Variants in PPARGC1A observed in about 807,000 individuals in gnomAD.
PPARGC1A encodes the protein PPARG coactivator 1 alpha, also known as peroxisome proliferator-activated receptor gamma coactivator 1-alpha.
PPARGC1A carries 25 observed loss-of-function variants against 88.7 expected under a neutral mutation model. That is an observed-to-expected ratio of 0.28 (90% CI 0.21 to 0.39). PPARGC1A has a LOEUF of 0.39. Ranked by LOEUF, PPARGC1A falls within the 10% of genes least tolerant of loss-of-function variation. The pLI is 1.00. For synonymous variants in PPARGC1A, 363 were observed against 355.6 expected (o/e 1.02, Z -0.24); for missense variants, 880 against 968.7 (o/e 0.91, Z 1.22).
chr4:24,124,279 T>G, the PPARGC1A span, among the ~76,000 whole-genome samples: 2 of 152,156 alleles, frequency 1.3e-5, no homozygotes, highest in Admixed American at 6.5e-5. Flanking sequence ...AGAAGTAAAG[T>G]AAATTAATAG....
At chr4:23,920,455 C>A in the PPARGC1A span, among the ~76,000 whole-genome samples, 1 of 152,170 alleles carries the variant, frequency 6.6e-6, no homozygotes, top group Admixed American at 6.5e-5. Flanking sequence ...TCATCCATTA[C>A]CACTGAACTA....
the PPARGC1A span, among the ~76,000 whole-genome samples, chr4:24,111,835 C>T: frequency 2.0e-4 from 30 of 152,140 alleles, no homozygotes; most frequent in African/African-American, 7.0e-4. Context: ...CACATGCGCA[C>T]GTGCACACAT....
the PPARGC1A span, among the ~76,000 whole-genome samples, chr4:24,279,840 T>C: frequency 6.6e-6 from 1 of 152,150 alleles, no homozygotes; most frequent in South Asian, 2.1e-4. Flanking sequence ...ATGTGCAATT[T>C]GGGGCAGATA....
intron 10 of PPARGC1A, among the ~76,000 whole-genome samples, chr4:23,802,751 C>T (rs1719048056): frequency 6.6e-6 from 1 of 151,442 alleles, no homozygotes; most frequent in African/African-American, 2.4e-5. Flanking sequence ...ATAAGAAACC[C>T]CACTGAGCAT....
chr4:23,865,628 T>C (rs1711763539), intron 2 of PPARGC1A, among the ~76,000 whole-genome samples: 1 of 152,158 alleles, frequency 6.6e-6, no homozygotes, highest in African/African-American at 2.4e-5. Flanking sequence ...ACAAGTCTCC[T>C]TGAGGACTGA....
chr4:24,101,112 A>G, the PPARGC1A span, among the ~76,000 whole-genome samples: 1 of 152,208 alleles, frequency 6.6e-6, no homozygotes, highest in Non-Finnish European at 1.5e-5. Context: ...CCACTGTTGG[A>G]GGTGGGGCCT....
At chr4:23,927,072 C>T in the PPARGC1A span, among the ~76,000 whole-genome samples, 1 of 152,212 alleles carries the variant, frequency 6.6e-6, no homozygotes, top group Non-Finnish European at 1.5e-5. Context: ...TTTAATACAT[C>T]TAACCTACAA....
the PPARGC1A span, among the ~76,000 whole-genome samples, chr4:24,313,666 G>C: frequency 7.9e-5 from 12 of 152,186 alleles, no homozygotes; most frequent in African/African-American, 2.9e-4. Flanking sequence ...GAGAATGTAT[G>C]CAATTGGAAA....
chr4:24,223,345 G>A, the PPARGC1A span, among the ~76,000 whole-genome samples: 1 of 148,862 alleles, frequency 6.7e-6, no homozygotes, highest in Non-Finnish European at 1.5e-5. Flanking sequence ...TGCCTCCCAC[G>A]TTCAAGCGAT....
chr4:24,049,194 A>C, the PPARGC1A span, among the ~76,000 whole-genome samples: 39 of 145,364 alleles, frequency 2.7e-4, no homozygotes, highest in Middle Eastern at 3.6e-3. Flanking sequence ...GTCTCTCTCT[A>C]TATATACACA....
At chr4:24,035,429 T>C in the PPARGC1A span, among the ~76,000 whole-genome samples, 1 of 152,024 alleles carries the variant, frequency 6.6e-6, no homozygotes, top group South Asian at 2.1e-4. Flanking sequence ...TAGTCCCAGC[T>C]ACTCAGGAGG....
chr4:23,873,227 A>G lies in PPARGC1A; in HGVS notation c.234+11525T>C, dbSNP rs1276154356. ...ATAAAAAATAAAAAATAAAAAATAA[A>G]GAAAAAAATGTGACCAGCCATATCC... On this transcript the variant is annotated intron_variant, in intron 2 of 12. Transcript: ENST00000264867. Among the ~76,000 whole-genome samples, 55 of 148,180 alleles carry G rather than the reference A, an allele frequency of 3.7e-4. 2 individuals are homozygous for G. The highest frequency in any genetic ancestry group is 1.4e-3 in the African/African-American group (55 of 40,592).
the PPARGC1A span, among the ~76,000 whole-genome samples, chr4:24,408,690 C>A: frequency 6.6e-6 from 1 of 152,300 alleles, no homozygotes; most frequent in Non-Finnish European, 1.5e-5. Flanking sequence ...GACACCTCCA[C>A]CTGAGTCCCC....
At chr4:24,137,511 C>T in the PPARGC1A span, among the ~76,000 whole-genome samples, 1 of 152,188 alleles carries the variant, frequency 6.6e-6, no homozygotes, top group Non-Finnish European at 1.5e-5. Flanking sequence ...CTCTCCCCAA[C>T]CCCATTTTAC....
chr4:24,450,608 C>T, the PPARGC1A span, among the ~76,000 whole-genome samples: 1 of 152,084 alleles, frequency 6.6e-6, no homozygotes, highest in African/African-American at 2.4e-5. Flanking sequence ...GTGGGGGGAT[C>T]TAAAGTCTAT....
intron 2 of PPARGC1A, among the ~76,000 whole-genome samples, chr4:23,863,324 T>A (rs59423368): frequency 0.014 from 2,108 of 152,252 alleles, 46 homozygotes; most frequent in African/African-American, 0.047. Context: ...GTCCCTGGTG[T>A]CTAACAAACC....
At chr4:23,998,029 A>C in the PPARGC1A span, among the ~76,000 whole-genome samples, 2 of 152,218 alleles carry the variant, frequency 1.3e-5, no homozygotes, top group African/African-American at 4.8e-5. Flanking sequence ...ACATCAGTAC[A>C]TATGAATCAA....
the PPARGC1A span, among the ~76,000 whole-genome samples, chr4:24,425,292 A>G: frequency 1.3e-5 from 2 of 152,220 alleles, no homozygotes; most frequent in Non-Finnish European, 2.9e-5. Flanking sequence ...ACATTATAAC[A>G]TAATAGCCAA....
At chr4:24,181,170 G>C in the PPARGC1A span, among the ~76,000 whole-genome samples, 13 of 152,156 alleles carry the variant, frequency 8.5e-5, no homozygotes, top group African/African-American at 2.9e-4. Flanking sequence ...TTACTTAGAG[G>C]TGAATTACTA....
Sources: allele counts gnomAD v4.1 joint callset (sites outside exome capture counted in the v4.1 genomes callset), GRCh38; gene constraint gnomAD v4.1.1; transcripts MANE v1.5; gene names NCBI Gene and HGNC (gene_info 2026-07-23, HGNC 2026-07-21).